Variants in PRKG1 observed in about 807,000 individuals in gnomAD.
The protein encoded by PRKG1 is cGMP-dependent protein kinase 1.
In PRKG1, 35 loss-of-function variants were observed where a neutral mutation model predicts 88.1. That is an observed-to-expected ratio of 0.40 (90% CI 0.30 to 0.53). The LOEUF is 0.53. Ranked by LOEUF, PRKG1 falls within the 20% of genes least tolerant of loss-of-function variation. The pLI is 0.59. For synonymous variants in PRKG1, 303 were observed against 292.5 expected (o/e 1.04, Z -0.37); for missense variants, 540 against 839.8 (o/e 0.64, Z 4.41).
chr10:52,015,291 T>G (rs899479469), intron 5 of PRKG1, among the ~76,000 whole-genome samples: 3 of 152,214 alleles, frequency 2.0e-5, no homozygotes, highest in African/African-American at 7.2e-5. Flanking sequence ...CACAACACCA[T>G]GTGGAAGCTG....
chr10:52,050,884 A>C (rs1845972875), intron 5 of PRKG1, among the ~76,000 whole-genome samples: 1 of 152,172 alleles, frequency 6.6e-6, no homozygotes, highest in Admixed American at 6.5e-5. Context: ...AAAAATTTAG[A>C]GTAATTGCTA....
intron 9 of PRKG1, among the ~76,000 whole-genome samples, chr10:52,214,435 A>G (rs1840059729): frequency 6.6e-6 from 1 of 152,206 alleles, no homozygotes; most frequent in Non-Finnish European, 1.5e-5. Context: ...CTAAGGAATC[A>G]TCACCGCACT....
chr10:52,024,315 AAC>A (rs1845270852), intron 5 of PRKG1, among the ~76,000 whole-genome samples: 13 of 38,154 alleles, frequency 3.4e-4, no homozygotes, highest in Admixed American at 2.1e-3. Context: ...TTATTTATTT[AAC>A]TTTTTTTTTT....
At chr10:51,807,166 G>A (rs977129978) in intron 4 of PRKG1, among the ~76,000 whole-genome samples, 2 of 152,148 alleles carry the variant, frequency 1.3e-5, no homozygotes, top group African/African-American at 4.8e-5. Flanking sequence ...CTGCTTTGTA[G>A]ATAGGCACTT....
chr10:51,162,929 G>A (rs1325500399), intron 2 of PRKG1, among the ~76,000 whole-genome samples: 1 of 152,020 alleles, frequency 6.6e-6, no homozygotes, highest in African/African-American at 2.4e-5. Flanking sequence ...ATGTTACCCA[G>A]GCTGTTCTTA....
intron 6 of PRKG1, among the ~76,000 whole-genome samples, chr10:52,058,008 CAG>C (rs1471802078): frequency 2.0e-5 from 3 of 151,686 alleles, no homozygotes; most frequent in East Asian, 1.9e-4. Flanking sequence ...AATAAAGAAA[CAG>C]TAATTATTTA....
intron 2 of PRKG1, among the ~76,000 whole-genome samples, chr10:51,334,152 T>TTCTCTCTCTCTCTCTCTCTCTCTCTC (rs10568175): frequency 5.8e-5 from 8 of 137,232 alleles, no homozygotes; most frequent in Non-Finnish European, 7.8e-5. Context: ...CTCTCTCTCT[T>TTCTCTCTCTCTCTCTCTCTCTCTCTC]TCTCTCTCTC....
At chr10:51,225,494 T>C (rs1020286563) in intron 2 of PRKG1, among the ~76,000 whole-genome samples, 16 of 152,372 alleles carry the variant, frequency 1.1e-4, no homozygotes, top group African/African-American at 3.4e-4. Flanking sequence ...ATTTGTTTGC[T>C]GATTTGCTTG....
chr10:51,142,382 C>T (rs1404971000), intron 1 of PRKG1, among the ~76,000 whole-genome samples: 3 of 151,984 alleles, frequency 2.0e-5, no homozygotes, highest in Non-Finnish European at 4.4e-5. Context: ...CTGCTGATAA[C>T]TATTGCAGTG....
chr10:51,012,843 T>C (rs1184280057), intron 1 of PRKG1, among the ~76,000 whole-genome samples: 2 of 152,194 alleles, frequency 1.3e-5, no homozygotes, highest in Admixed American at 1.3e-4. Context: ...ATTTAAATGG[T>C]ATGGTTGGAG....
intron 2 of PRKG1, among the ~76,000 whole-genome samples, chr10:51,364,685 T>C (rs756217126): frequency 1.3e-5 from 2 of 151,232 alleles, no homozygotes; most frequent in African/African-American, 2.4e-5. Context: ...GAAAAACCTA[T>C]AGATAGAAAA....
intron 1 of PRKG1, among the ~76,000 whole-genome samples, chr10:51,003,378 A>G (rs998708120): frequency 6.6e-6 from 1 of 152,234 alleles, no homozygotes; most frequent in East Asian, 1.9e-4. Flanking sequence ...CAGACTCACC[A>G]TCTGACTCCA....
At chr10:51,668,019 A>C (rs2132342626) in intron 3 of PRKG1, among the ~76,000 whole-genome samples, 1 of 152,280 alleles carries the variant, frequency 6.6e-6, no homozygotes, top group African/African-American at 2.4e-5. Flanking sequence ...CACTGACATA[A>C]AATTTAGGTC....
chr10:51,629,259 A>C (rs573107440), intron 3 of PRKG1, among the ~76,000 whole-genome samples: 1 of 152,194 alleles, frequency 6.6e-6, no homozygotes, highest in South Asian at 2.1e-4. Context: ...TGGCACCAGA[A>C]ACCAGTTTCA....
At chr10:52,254,997 C>T (rs559169554) in intron 10 of PRKG1, among the ~76,000 whole-genome samples, 1 of 152,194 alleles carries the variant, frequency 6.6e-6, no homozygotes, top group African/African-American at 2.4e-5. Flanking sequence ...ATTTGGACTG[C>T]TTTCCTTTCT....
At chr10:52,138,120 T>G (rs572433884) in intron 8 of PRKG1, among the ~76,000 whole-genome samples, 9 of 152,202 alleles carry the variant, frequency 5.9e-5, no homozygotes, top group African/African-American at 2.2e-4. Flanking sequence ...AACATTTTCA[T>G]GCTGGATGGT....
intron 4 of PRKG1, among the ~76,000 whole-genome samples, chr10:51,868,474 T>G (rs1368811913): frequency 6.6e-6 from 1 of 152,106 alleles, no homozygotes; most frequent in African/African-American, 2.4e-5. Context: ...TAAGAATAAA[T>G]ATTACTATTT....
At chr10:51,039,953 T>A (rs552384862) in intron 1 of PRKG1, among the ~76,000 whole-genome samples, 1 of 152,302 alleles carries the variant, frequency 6.6e-6, no homozygotes, top group African/African-American at 2.4e-5. Context: ...TTCAGGCCAG[T>A]TATCATGCTA....
At chr10:51,742,343 A>AT in intron 3 of PRKG1, among the ~76,000 whole-genome samples, 1 of 152,326 alleles carries the variant, frequency 6.6e-6, no homozygotes, top group East Asian at 1.9e-4. Flanking sequence ...TACTGTAGTA[A>AT]TAATGTAGAA....
Sources: allele counts gnomAD v4.1 joint callset (sites outside exome capture counted in the v4.1 genomes callset), GRCh38; gene constraint gnomAD v4.1.1; transcripts MANE v1.5; gene names NCBI Gene and HGNC (gene_info 2026-07-23, HGNC 2026-07-21).